Variants in ASTN2 observed in about 807,000 individuals in gnomAD.
The protein encoded by ASTN2 is astrotactin-2.
In ASTN2, 54 loss-of-function variants were observed where a neutral mutation model predicts 139.8. That is an observed-to-expected ratio of 0.39 (90% confidence interval 0.31 to 0.48). The LOEUF is 0.48. Ranked by LOEUF, ASTN2 falls within the 20% of genes least tolerant of loss-of-function variation. The pLI is 0.95. For synonymous variants in ASTN2, 756 were observed against 719.5 expected (o/e 1.05, Z -0.81); for missense variants, 1,565 against 1,725.1 (o/e 0.91, Z 1.64).
intron 7 of ASTN2, among the ~76,000 whole-genome samples, chr9:116,983,102 T>A (rs1041780239): frequency 2.0e-5 from 3 of 152,214 alleles, no homozygotes; most frequent in East Asian, 3.9e-4. Flanking sequence ...CGGCCAGGGA[T>A]GCTGCCTGCT....
chr9:116,948,787 T>TTTTTTTTTTTGTTTTTTG (rs1835472907), intron 10 of ASTN2, among the ~76,000 whole-genome samples: 1 of 31,810 alleles, frequency 3.1e-5, no homozygotes, highest in Non-Finnish European at 9.5e-5. Flanking sequence ...AATTTGGTGT[T>TTTTTTTTTTTGTTTTTTG]TTTTTTTTTT....
At chr9:116,828,299 T>TAA (rs1383969401) in intron 11 of ASTN2, among the ~76,000 whole-genome samples, 20 of 31,228 alleles carry the variant, frequency 6.4e-4, no homozygotes, top group African/African-American at 2.8e-3. Context: ...AGACTCCGTC[T>TAA]CAAAAAAAAA....
chr9:117,101,293 CAGATGGCT>C lies in ASTN2; in HGVS notation c.1169-5150_1169-5143del, dbSNP rs1471659046. Among the ~76,000 whole-genome samples the C allele has an allele frequency of 4.6e-5, 7 of 152,262 alleles. No individual in the cohort carries two copies. The East Asian group carries it at 1.4e-3, about 29-fold the overall frequency. ...ATTACAGTCTGACTTGGAGGTGATTCAGATGGCTAGAAAAGGGCCCCCTCTGTTAGCAT... is the reference window on the plus strand; with the variant it reads ...ATTACAGTCTGACTTGGAGGTGATTCAGAAAAGGGCCCCCTCTGTTAGCAT... On this transcript the variant is annotated intron_variant, in intron 4 of 22. Transcript: ENST00000313400.
intron 1 of ASTN2, among the ~76,000 whole-genome samples, chr9:117,314,628 ATATAAT>A (rs1203805026): frequency 2.7e-5 from 4 of 147,004 alleles, no homozygotes; most frequent in African/African-American, 7.4e-5. Flanking sequence ...AATATACAAT[ATATAAT>A]TATAATTATT....
At chr9:116,839,970 C>T (rs1358566801) in intron 11 of ASTN2, among the ~76,000 whole-genome samples, 3 of 146,560 alleles carry the variant, frequency 2.0e-5, no homozygotes, top group African/African-American at 7.7e-5. Context: ...GGAAGGTCAG[C>T]AGATAAACAA....
At chr9:116,480,183 A>C (rs768878587) in intron 20 of ASTN2, among the ~76,000 whole-genome samples, 1 of 151,832 alleles carries the variant, frequency 6.6e-6, no homozygotes, top group Non-Finnish European at 1.5e-5. Context: ...GGAGGAAGGG[A>C]AAGGAAGGGA....
At chr9:117,052,329 T>C (rs1838935306) in intron 5 of ASTN2, among the ~76,000 whole-genome samples, 2 of 150,832 alleles carry the variant, frequency 1.3e-5, no homozygotes, top group African/African-American at 2.4e-5. Flanking sequence ...AGTCCCAGCC[T>C]CTCAGGAGCC....
chr9:116,745,384 GCT>G (rs1265551447), intron 13 of ASTN2, among the ~76,000 whole-genome samples: 1 of 152,126 alleles, frequency 6.6e-6, no homozygotes, highest in African/African-American at 2.4e-5. Context: ...CCTCCTCTGC[GCT>G]CTCTCGTAGA....
At chr9:116,666,184 A>G (rs1269021015) in intron 16 of ASTN2, among the ~76,000 whole-genome samples, 1 of 152,214 alleles carries the variant, frequency 6.6e-6, no homozygotes, top group South Asian at 2.1e-4. Flanking sequence ...TACTGAACTT[A>G]CTGATCAAAC....
chr9:116,684,974 G>C (rs1244566666), intron 16 of ASTN2, among the ~76,000 whole-genome samples: 2 of 152,196 alleles, frequency 1.3e-5, no homozygotes, highest in Non-Finnish European at 2.9e-5. Context: ...AACAAAGACA[G>C]TAACAACCCT....
intron 19 of ASTN2, among the ~76,000 whole-genome samples, chr9:116,575,918 C>G (rs1489842996): frequency 6.6e-6 from 1 of 152,160 alleles, no homozygotes; most frequent in South Asian, 2.1e-4. Flanking sequence ...GAGAAAAGCT[C>G]AGGGCACTGG....
chr9:117,354,125 G>T (rs1564162052), intron 1 of ASTN2, among the ~76,000 whole-genome samples: 1 of 152,142 alleles, frequency 6.6e-6, no homozygotes, highest in Non-Finnish European at 1.5e-5. Flanking sequence ...ACTGGGACAG[G>T]CTATGTGTGG....
chr9:117,091,609 G>A (rs1828708397), intron 5 of ASTN2, among the ~76,000 whole-genome samples: 1 of 152,032 alleles, frequency 6.6e-6, no homozygotes, highest in Non-Finnish European at 1.5e-5. Flanking sequence ...GCAGGGAAGA[G>A]CATTCCAGGA....
At chr9:116,952,123 C>A (rs1303450304) in intron 10 of ASTN2, among the ~76,000 whole-genome samples, 2 of 152,058 alleles carry the variant, frequency 1.3e-5, no homozygotes, top group African/African-American at 4.8e-5. Context: ...TTTGTAACTG[C>A]CTTTTAGTTT....
At chr9:117,072,125 A>C (rs1480048053) in intron 5 of ASTN2, among the ~76,000 whole-genome samples, 1 of 152,148 alleles carries the variant, frequency 6.6e-6, no homozygotes, top group Non-Finnish European at 1.5e-5. Context: ...CTTCAAGTCC[A>C]TGCTCTTAAA....
intron 19 of ASTN2, among the ~76,000 whole-genome samples, chr9:116,593,903 G>A (rs11791132): frequency 0.075 from 11,357 of 152,052 alleles, 464 homozygotes; most frequent in East Asian, 0.14. Context: ...CACAAAGGCC[G>A]CACATCCTTA....
At chr9:117,114,297 T>G (rs563065902) in intron 4 of ASTN2, among the ~76,000 whole-genome samples, 2 of 152,186 alleles carry the variant, frequency 1.3e-5, no homozygotes, top group Non-Finnish European at 2.9e-5. Flanking sequence ...ACTCTTATTG[T>G]TGGTCAGACT....
chr9:117,047,090 A>C (rs1187223192), intron 5 of ASTN2, among the ~76,000 whole-genome samples: 3 of 152,130 alleles, frequency 2.0e-5, no homozygotes, highest in Non-Finnish European at 4.4e-5. Context: ...TTCCCACAGC[A>C]CCTGAGCTCT....
intron 1 of ASTN2, among the ~76,000 whole-genome samples, chr9:117,381,347 T>C (rs1830265448): frequency 1.3e-5 from 2 of 152,106 alleles, no homozygotes; most frequent in African/African-American, 2.4e-5. Flanking sequence ...CCTCATCCAA[T>C]ATGAGATACA....
Sources: allele counts gnomAD v4.1 joint callset (sites outside exome capture counted in the v4.1 genomes callset), GRCh38; gene constraint gnomAD v4.1.1; transcripts MANE v1.5; gene names NCBI Gene and HGNC (gene_info 2026-07-23, HGNC 2026-07-21).